Variants in OTOGL observed in about 807,000 individuals in gnomAD.
OTOGL encodes otogelin-like protein.
OTOGL carries 285 observed loss-of-function variants against 318.5 expected under a neutral mutation model. That is an observed-to-expected ratio of 0.89 (90% CI 0.81 to 0.99). The LOEUF (loss-of-function observed/expected upper bound fraction) is 0.99. Ranked by LOEUF, OTOGL falls within the 50% of genes least tolerant of loss-of-function variation. The pLI is 0.00. For missense variants in OTOGL, 2,899 were observed against 2,845.6 expected, an observed-to-expected ratio of 1.02 and a Z score of -0.43; for synonymous variants, 987 against 936.5, an observed-to-expected ratio of 1.05 and a Z score of -0.99.
intron 13 of OTOGL, 137 bp downstream of exon 13, chr12:80,252,338 C>G: frequency 2.1e-6 from 2 of 967,390 alleles, no homozygotes; most frequent in Non-Finnish European, 2.8e-6. Context: ...AGAAGTTGGT[C>G]CTTGAAGTGA....
At chr12:80,212,023 G>C (rs1165492847) in intron 4 of OTOGL, 26 bp downstream of exon 4, 1 of 1,546,886 alleles carries the variant, frequency 6.5e-7, no homozygotes, top group African/African-American at 1.4e-5. Flanking sequence ...GGTGGAGAGA[G>C]AGGCAGAGAA....
intron 35 of OTOGL, among the ~76,000 whole-genome samples, 194 bp downstream of exon 35, chr12:80,324,034 T>C (rs1565984291): frequency 1.3e-5 from 2 of 152,258 alleles, no homozygotes; most frequent in African/African-American, 4.8e-5. Flanking sequence ...TTCTTGCTGC[T>C]GGGGAGACAG....
intron 38 of OTOGL, 32 bp from the exon 39 acceptor site, chr12:80,335,931 G>GA: frequency 5.4e-6 from 8 of 1,490,950 alleles, no homozygotes; most frequent in South Asian, 1.3e-5. Flanking sequence ...AGCTGAGAAT[G>GA]AAAAAACCCA....
At chr12:80,162,047 C>T (rs1479784411) in intron 1 of OTOGL, among the ~76,000 whole-genome samples, 2 of 152,046 alleles carry the variant, frequency 1.3e-5, no homozygotes, top group African/African-American at 4.8e-5. Flanking sequence ...GCACATATGC[C>T]ACAGTTCCAG....
In OTOGL at chr12:80,328,605, CT is replaced by C. The variant is rs35859327; in HGVS notation, c.4200-50del. The C allele has an allele frequency of 2.9e-3, 2,911 of 1,014,634 alleles. 2 individuals carry two copies. Among genetic ancestry groups the C allele is most frequent in the African/African-American group, 7.6e-3 (462 of 61,114 alleles). The allele number at this position is 1,014,634 out of a possible 1,614,324, so 62.9% of individuals were successfully genotyped here. On this transcript the variant is annotated intron_variant, in intron 35 of 58. Coordinates refer to ENST00000547103, the MANE Select transcript of OTOGL (RefSeq NM_001378609.3). Reference sequence around the variant, plus strand: ...TTAGTCGCATATGTTAAATGTAGTCCTTTTTTTTTTGTATTTCAAACTTTTC... The same window carrying C: ...TTAGTCGCATATGTTAAATGTAGTCCTTTTTTTTTGTATTTCAAACTTTTC...
intron 1 of OTOGL, among the ~76,000 whole-genome samples, chr12:80,169,282 G>C (rs1037357499): frequency 6.6e-6 from 1 of 151,914 alleles, no homozygotes. Flanking sequence ...CATCCTCACA[G>C]TATGTCATTC....
intron 27 of OTOGL, among the ~76,000 whole-genome samples, chr12:80,299,619 A>T (rs1330363728): frequency 6.6e-6 from 1 of 151,578 alleles, no homozygotes; most frequent in Non-Finnish European, 1.5e-5. Flanking sequence ...AGAAAAAAAA[A>T]AAAAACCACC....
rs1592453717 is a variant in OTOGL, at chr12:80,103,260, A to C, written c.-20+3655A>C. ...AAGGGAAGACATAATCTTCCTTCGAATGTGGGAAGGTGCGTTGAAATGCCT... is the reference window on the plus strand; with the variant it reads ...AAGGGAAGACATAATCTTCCTTCGACTGTGGGAAGGTGCGTTGAAATGCCT... On this transcript the variant is annotated intron_variant, in intron 1 of 58. Coordinates refer to ENST00000547103, the MANE Select transcript of OTOGL (RefSeq NM_001378609.3). 1.6e-5 allele frequency: 24 copies of C among 1,545,194 alleles called. No homozygotes were observed. In the East Asian group the frequency reaches 5.2e-4, roughly 33 times the overall value.
intron 1 of OTOGL, among the ~76,000 whole-genome samples, chr12:80,198,260 C>G (rs1876218691): frequency 6.6e-6 from 1 of 152,122 alleles, no homozygotes; most frequent in Non-Finnish European, 1.5e-5. Flanking sequence ...TCTTCAATAT[C>G]TCCCTATTTG....
intron 34 of OTOGL, 85 bp from the exon 35 acceptor site, chr12:80,323,638 G>C: frequency 2.9e-6 from 3 of 1,041,424 alleles, no homozygotes; most frequent in Non-Finnish European, 2.9e-6. Flanking sequence ...GACAGAGCGA[G>C]ACTGTCTCAA....
In OTOGL at chr12:80,321,511, C is replaced by T. The variant is rs138787703; in HGVS notation, c.4081+811C>T. On this transcript the variant is annotated intron_variant, in intron 34 of 58. Coordinates refer to ENST00000547103, the MANE Select transcript of OTOGL (RefSeq NM_001378609.3). ...TAATGGGTGCAGCACACCAACATCG[C>T]ACATGTATACATATGTAACAAATAT... Among the ~76,000 whole-genome samples the T allele has an allele frequency of 4.6e-3, 697 of 152,004 alleles. 6 individuals carry two copies. Among genetic ancestry groups the T allele is most frequent in the African/African-American group, 0.016 (672 of 41,426 alleles).
At chr12:80,113,213 G>T (rs1239320856) in intron 1 of OTOGL, among the ~76,000 whole-genome samples, 1 of 151,928 alleles carries the variant, frequency 6.6e-6, no homozygotes, top group Admixed American at 6.6e-5. Flanking sequence ...TCTGGGATTC[G>T]ATTGATTTTT....
intron 24 of OTOGL, among the ~76,000 whole-genome samples, chr12:80,276,865 A>G (rs1356193726): frequency 6.6e-6 from 1 of 151,654 alleles, no homozygotes; most frequent in Non-Finnish European, 1.5e-5. Flanking sequence ...AGTGGACAGC[A>G]TATACACTGA....
chr12:80,149,224 G>A (rs1049974293), intron 1 of OTOGL, among the ~76,000 whole-genome samples: 1 of 152,160 alleles, frequency 6.6e-6, no homozygotes, highest in African/African-American at 2.4e-5. Context: ...ATGTACAGAT[G>A]GGTTTTTGGT....
chr12:80,251,637 T>A (rs943993082), intron 11 of OTOGL, 56 bp from the exon 12 acceptor site: 1 of 1,377,506 alleles, frequency 7.3e-7, no homozygotes, highest in Non-Finnish European at 1.0e-6. Flanking sequence ...ACCTCAATGG[T>A]ATGGTTTCTG....
Position 80,238,253 on chromosome 12 carries a change from A to G in OTOGL, c.818-598A>G, listed in dbSNP as rs1880040041. Among the ~76,000 whole-genome samples the G allele has an allele frequency of 3.9e-5, 6 of 152,298 alleles. No homozygotes were observed. The South Asian group carries it at 1.2e-3, about 32-fold the overall frequency. On this transcript the variant is annotated intron_variant, in intron 9 of 58. Coordinates refer to ENST00000547103, the MANE Select transcript of OTOGL (RefSeq NM_001378609.3). ...GGGATGTCTTTCCTGAGCATGTTTC[A>G]AAACACTGTTCATCATATTTAGATG...
intron 24 of OTOGL, among the ~76,000 whole-genome samples, chr12:80,272,850 G>T (rs1883521566): frequency 6.6e-6 from 1 of 152,100 alleles, no homozygotes; most frequent in Non-Finnish European, 1.5e-5. Flanking sequence ...AAGAACAAGT[G>T]CCTGTGGCTG....
At chr12:80,122,653 CT>C (rs1406763760) in intron 1 of OTOGL, among the ~76,000 whole-genome samples, 1 of 152,166 alleles carries the variant, frequency 6.6e-6, no homozygotes, top group Non-Finnish European at 1.5e-5. Flanking sequence ...AGGCACATTT[CT>C]CTAGTGTCAT....
In OTOGL at chr12:80,378,261, G is replaced by A. The variant is rs568132061; in HGVS notation, c.*213G>A. 2 of 448,956 alleles carry A rather than the reference G, an allele frequency of 4.5e-6. No homozygotes were observed. Among genetic ancestry groups the A allele is most frequent in the African/African-American group, 3.9e-5 (2 of 50,896 alleles). The allele number at this position is 448,956 out of a possible 1,614,324, so 27.8% of individuals were successfully genotyped here. ...TTTACTCTATTTTAGAAAATCAAAT[G>A]ACTGTAAGTTGTTCAGCTGAAATGC... is the stretch of plus-strand genomic sequence containing the variant. On this transcript the variant is annotated 3_prime_UTR_variant, in exon 59 of 59. Transcript: ENST00000547103.
Sources: gnomAD v4.1 joint callset for allele counts (sites outside exome capture counted in the v4.1 genomes callset) on GRCh38, gnomAD v4.1.1 for gene constraint, MANE v1.5 for transcripts, NCBI Gene and HGNC (gene_info 2026-07-23, HGNC 2026-07-21) for gene names.